ANXA3: variants seen among roughly 807,000 people sequenced by gnomAD.
ANXA3 encodes the protein annexin A3.
In ANXA3, 46 loss-of-function variants were observed where a neutral mutation model predicts 48.8. That is an observed-to-expected ratio of 0.94 (90% CI 0.74 to 1.21). The LOEUF (loss-of-function observed/expected upper bound fraction) is 1.21, where lower values mean the gene tolerates loss of function less well. Ranked by LOEUF, ANXA3 falls within the 50% of genes most tolerant of loss-of-function variation. ANXA3 has a pLI of 0.00. For missense variants in ANXA3, 383 were observed against 378.6 expected, an observed-to-expected ratio of 1.01 and a Z score of -0.10; for synonymous variants, 128 against 134.7, an observed-to-expected ratio of 0.95 and a Z score of 0.35.
At chr4:78,593,830 A>G (rs1165788353) in intron 7 of ANXA3, among the ~76,000 whole-genome samples, 6 of 88,326 alleles carry the variant, frequency 6.8e-5, no homozygotes, top group African/African-American at 2.7e-4. Context: ...TTTTTTTTTT[A>G]GAGCGAGAGA....
intron 10 of ANXA3, among the ~76,000 whole-genome samples, chr4:78,598,601 G>A (rs1448664961): frequency 1.3e-5 from 2 of 151,638 alleles, no homozygotes; most frequent in Non-Finnish European, 1.5e-5. Context: ...GTGTGGTGGC[G>A]CAATCTCAGG....
rs186067918 is a variant in ANXA3, at chr4:78,587,185, G to C, written c.403+835G>C. On this transcript the variant is annotated intron_variant, in intron 6 of 12. Transcript: ENST00000264908. ...TCATTACCAACCAGCAAGCTCACTT[G>C]ATTATTGGTAGCCTTAGTTTTTATT... Among the ~76,000 whole-genome samples the C allele has an allele frequency of 3.5e-3, 532 of 152,312 alleles. 2 individuals carry two copies. Among genetic ancestry groups the C allele is most frequent in the African/African-American group, 0.012 (505 of 41,564 alleles).
At chr4:78,586,470 G>A (rs540479465) in intron 6 of ANXA3, 120 bp downstream of exon 6, 12 of 659,812 alleles carry the variant, frequency 1.8e-5, no homozygotes, top group East Asian at 8.5e-5. Context: ...TTACAGAAAC[G>A]AGAATACATT....
chr4:78,584,813 C>T lies in ANXA3; in HGVS notation c.313-1447C>T, dbSNP rs531166982. Among the ~76,000 whole-genome samples, 42 of 152,294 alleles carry T rather than the reference C, an allele frequency of 2.8e-4. 1 individual carries two copies. The South Asian group carries it at 7.7e-3, about 28-fold the overall frequency. ...GAAACACCTGTGAAGGATAAAGAGG[C>T]GAAGAGCAGGGTAGGTGGGGTGAAC... On this transcript the variant is annotated intron_variant, in intron 5 of 12. Transcript: ENST00000264908.
chr4:78,570,509 C>T (rs1242784888), intron 2 of ANXA3, among the ~76,000 whole-genome samples: 1 of 152,194 alleles, frequency 6.6e-6, no homozygotes, highest in Non-Finnish European at 1.5e-5. Flanking sequence ...ATCTCTAAAA[C>T]ATATGATTCA....
At chr4:78,592,543 G>T (rs1578401246) in intron 7 of ANXA3, among the ~76,000 whole-genome samples, 1 of 152,302 alleles carries the variant, frequency 6.6e-6, no homozygotes, top group East Asian at 1.9e-4. Flanking sequence ...GTGCACATCT[G>T]TTTGTGTATG....
At chr4:78,563,566 A>G (rs1722669238) in intron 2 of ANXA3, among the ~76,000 whole-genome samples, 2 of 152,194 alleles carry the variant, frequency 1.3e-5, no homozygotes, top group Non-Finnish European at 2.9e-5. Context: ...AAGGTGCCGT[A>G]TATGAACCAT....
chr4:78,604,851 AT>A (rs1363896978), intron 12 of ANXA3, among the ~76,000 whole-genome samples: 1 of 152,222 alleles, frequency 6.6e-6, no homozygotes, highest in Non-Finnish European at 1.5e-5. Context: ...GCTGTATATC[AT>A]TCCATTGTTT....
chr4:78,587,372 T>C (rs528900296), intron 6 of ANXA3, among the ~76,000 whole-genome samples: 1 of 152,230 alleles, frequency 6.6e-6, no homozygotes, highest in African/African-American at 2.4e-5. Context: ...TTCTGGGTCA[T>C]ATTGTTAGCA....
intron 2 of ANXA3, among the ~76,000 whole-genome samples, chr4:78,569,459 C>T (rs1025176099): frequency 1.3e-5 from 2 of 152,180 alleles, no homozygotes; most frequent in African/African-American, 4.8e-5. Flanking sequence ...TGCCGACATT[C>T]CTGAAGCGAT....
intron 5 of ANXA3, among the ~76,000 whole-genome samples, chr4:78,583,384 G>A (rs1325875683): frequency 1.3e-5 from 2 of 151,952 alleles, no homozygotes; most frequent in Non-Finnish European, 2.9e-5. Context: ...TGGAGGCCAT[G>A]GTGGGAGGAT....
At chr4:78,573,294 T>G (rs1337133971) in intron 3 of ANXA3, 27 bp downstream of exon 3, 1 of 1,545,616 alleles carries the variant, frequency 6.5e-7, no homozygotes, top group Non-Finnish European at 8.9e-7. Flanking sequence ...AATTCCTTTC[T>G]TAATGTTGAA....
chr4:78,591,635 T>A lies in ANXA3; in HGVS notation c.483+12T>A. ...TGACTTTGGCAGATGTAAGGTTTTA[T>A]TTTTTATTTTTTAACTCCCCAGTAA... On this transcript the variant is annotated intron_variant, in intron 7 of 12. Coordinates refer to ENST00000264908, the MANE Select transcript of ANXA3 (RefSeq NM_005139.3). 1 of 1,598,780 alleles carries A rather than the reference T, an allele frequency of 6.3e-7. No individual in the cohort carries two copies. Among genetic ancestry groups the A allele is most frequent in the Non-Finnish European group, 8.6e-7 (1 of 1,167,018 alleles).
intron 2 of ANXA3, among the ~76,000 whole-genome samples, chr4:78,567,003 A>C (rs1722745194): frequency 6.6e-6 from 1 of 151,990 alleles, no homozygotes; most frequent in Non-Finnish European, 1.5e-5. Flanking sequence ...AGCACCGCCT[A>C]CTCCTTACTG....
intron 9 of ANXA3, among the ~76,000 whole-genome samples, chr4:78,596,404 G>A (rs556898654): frequency 5.6e-4 from 86 of 152,344 alleles, no homozygotes; most frequent in African/African-American, 2.0e-3. Flanking sequence ...CCGCCCTCTT[G>A]CTCATGGCAT....
intron 3 of ANXA3, among the ~76,000 whole-genome samples, chr4:78,578,436 C>T (rs1723007817): frequency 1.3e-5 from 2 of 151,396 alleles, no homozygotes; most frequent in South Asian, 2.1e-4. Context: ...AGATGTGGAC[C>T]AAAGATAGAA....
chr4:78,596,968 T>G, intron 9 of ANXA3: 1 of 203,112 alleles, frequency 4.9e-6, no homozygotes, highest in South Asian at 8.3e-5. Flanking sequence ...GATTATAGTA[T>G]CATTTCCCAG....
At chr4:78,554,245 C>T (rs1722463298) in intron 1 of ANXA3, among the ~76,000 whole-genome samples, 191 bp from the exon 2 acceptor site, 1 of 152,172 alleles carries the variant, frequency 6.6e-6, no homozygotes. Context: ...CAGTCCCTTG[C>T]ATATGGTAGA....
intron 2 of ANXA3, among the ~76,000 whole-genome samples, chr4:78,566,111 G>A (rs1312157238): frequency 6.6e-6 from 1 of 152,178 alleles, no homozygotes; most frequent in Non-Finnish European, 1.5e-5. Flanking sequence ...CCTAGGAGGT[G>A]AGGCACAGGA....
Sources: gnomAD v4.1 joint callset for allele counts (sites outside exome capture counted in the v4.1 genomes callset) on GRCh38, gnomAD v4.1.1 for gene constraint, MANE v1.5 for transcripts, NCBI Gene and HGNC (gene_info 2026-07-23, HGNC 2026-07-21) for gene names.